The following FBXO4 variants were observed in gnomAD, a reference collection of about 807,000 sequenced individuals.
FBXO4 encodes the protein F-box only protein 4.
A neutral mutation model predicts 43.7 loss-of-function variants in FBXO4; 36 were observed. The observed-to-expected ratio is 0.82, with a 90% CI of 0.63 to 1.09. The LOEUF (loss-of-function observed/expected upper bound fraction) is 1.09, where lower values mean the gene tolerates loss of function less well. Ranked by LOEUF, FBXO4 falls within the 50% of genes least tolerant of loss-of-function variation. The pLI, the probability that FBXO4 is intolerant of heterozygous loss-of-function variation, is 0.00. For missense variants in FBXO4, 435 were observed against 474.1 expected (o/e 0.92, Z 0.77); for synonymous variants, 180 against 165.6 (o/e 1.09, Z -0.67).
chr5:41,949,618 T>C, the FBXO4 span, among the ~76,000 whole-genome samples: 2 of 152,100 alleles, frequency 1.3e-5, no homozygotes, highest in East Asian at 3.8e-4. Flanking sequence ...AGAATCAATA[T>C]CGTGAAAATG....
chr5:42,023,876 G>A, the FBXO4 span, among the ~76,000 whole-genome samples: 1 of 151,874 alleles, frequency 6.6e-6, no homozygotes, highest in East Asian at 1.9e-4. Context: ...CATTTGAGCC[G>A]ACTATCTGCA....
chr5:41,981,725 G>C, the FBXO4 span, among the ~76,000 whole-genome samples: 1 of 147,196 alleles, frequency 6.8e-6, no homozygotes, highest in South Asian at 2.1e-4. Context: ...TTTGGTTTTT[G>C]GTTTTTTTTT....
chr5:41,982,562 T>C, the FBXO4 span, among the ~76,000 whole-genome samples: 2 of 152,160 alleles, frequency 1.3e-5, no homozygotes, highest in African/African-American at 2.4e-5. Flanking sequence ...CTCACTTTTC[T>C]ATTGGGTTGC....
chr5:42,002,587 T>C, the FBXO4 span, among the ~76,000 whole-genome samples: 1 of 152,232 alleles, frequency 6.6e-6, no homozygotes, highest in Non-Finnish European at 1.5e-5. Flanking sequence ...TTTTAGATCC[T>C]GTTTACTTTT....
the FBXO4 span, among the ~76,000 whole-genome samples, chr5:42,016,119 G>A: frequency 6.6e-6 from 1 of 152,144 alleles, no homozygotes; most frequent in African/African-American, 2.4e-5. Flanking sequence ...GAAAAATAGA[G>A]TAGCGAGCTA....
At chr5:42,035,739 T>C in the FBXO4 span, among the ~76,000 whole-genome samples, 12 of 152,252 alleles carry the variant, frequency 7.9e-5, no homozygotes, top group South Asian at 2.5e-3. Context: ...GCAAGAGCTT[T>C]TCCCAGAGGC....
the FBXO4 span, among the ~76,000 whole-genome samples, chr5:41,993,064 TA>T: frequency 1.3e-5 from 2 of 152,194 alleles, no homozygotes; most frequent in South Asian, 4.1e-4. Context: ...CCCTTTTTAA[TA>T]GACTGAAGTA....
the FBXO4 span, among the ~76,000 whole-genome samples, chr5:41,999,048 C>A: frequency 8.7e-5 from 12 of 137,842 alleles, no homozygotes; most frequent in East Asian, 2.5e-3. Context: ...ATGGTTCACA[C>A]ATGGTCCATA....
the FBXO4 span, among the ~76,000 whole-genome samples, chr5:41,971,255 G>T: frequency 2.0e-5 from 3 of 150,860 alleles, no homozygotes; most frequent in Non-Finnish European, 3.0e-5. Flanking sequence ...TGTGTATAAA[G>T]ACCTGGAAAG....
downstream of FBXO4, among the ~76,000 whole-genome samples, chr5:41,944,250 A>C (rs1464177577): frequency 1.3e-5 from 2 of 152,236 alleles, no homozygotes; most frequent in African/African-American, 4.8e-5. Context: ...CTACAACTGC[A>C]ATTAAAATAA....
the FBXO4 span, among the ~76,000 whole-genome samples, chr5:41,955,877 G>A: frequency 3.3e-5 from 5 of 152,176 alleles, no homozygotes; most frequent in African/African-American, 1.2e-4. Context: ...AAAGTTCTCA[G>A]AAGTGGTTGG....
At chr5:41,947,507 G>T in the FBXO4 span, among the ~76,000 whole-genome samples, 2 of 152,254 alleles carry the variant, frequency 1.3e-5, no homozygotes, top group Non-Finnish European at 2.9e-5. Flanking sequence ...TGGAAGCCAA[G>T]AGTGTATTTT....
At chr5:41,989,252 A>T in the FBXO4 span, among the ~76,000 whole-genome samples, 1 of 152,284 alleles carries the variant, frequency 6.6e-6, no homozygotes, top group South Asian at 2.1e-4. Flanking sequence ...CTTATGAAAA[A>T]GTAGATTCAA....
Position 41,925,293 on chromosome 5 carries a change from C to G in FBXO4, c.-17C>G. On this transcript the variant is annotated 5_prime_UTR_variant, in exon 1 of 7. Transcript: ENST00000281623. Reference sequence around the variant, plus strand: ...TAGCGTGGCTCTAAGACGCGTCACCCACGCTGCGGGCAAGCCATGGCGGGA... The same window carrying G: ...TAGCGTGGCTCTAAGACGCGTCACCGACGCTGCGGGCAAGCCATGGCGGGA... 2.3e-6 allele frequency: 3 copies of G among 1,325,720 alleles called. No individual in the cohort carries two copies. Among genetic ancestry groups the G allele is most frequent in the Non-Finnish European group, 2.9e-6 (3 of 1,032,752 alleles). The allele number at this position is 1,325,720 out of a possible 1,614,324, so 82.1% of individuals were successfully genotyped here.
intron 3 of FBXO4, among the ~76,000 whole-genome samples, chr5:41,932,527 A>C (rs1315920377): frequency 6.6e-6 from 1 of 152,198 alleles, no homozygotes; most frequent in African/African-American, 2.4e-5. Context: ...TGCAGGAATT[A>C]AGAGTATGAA....
the FBXO4 span, among the ~76,000 whole-genome samples, chr5:41,958,131 ATT>A: frequency 0.086 from 11,092 of 128,724 alleles, 368 homozygotes; most frequent in African/African-American, 0.2. Flanking sequence ...CTGTTAACAA[ATT>A]TTTTTTTTTT....
chr5:41,965,722 C>T, the FBXO4 span, among the ~76,000 whole-genome samples: 7 of 152,268 alleles, frequency 4.6e-5, no homozygotes, highest in East Asian at 1.4e-3. Context: ...GTTGGTGGGA[C>T]TGTAAACTAG....
the FBXO4 span, among the ~76,000 whole-genome samples, chr5:41,962,312 C>G: frequency 6.6e-6 from 1 of 152,160 alleles, no homozygotes; most frequent in Admixed American, 6.5e-5. Context: ...CAGTCTTTCT[C>G]AGTCCCTGCT....
the FBXO4 span, among the ~76,000 whole-genome samples, chr5:42,011,368 C>G: frequency 6.6e-6 from 1 of 152,180 alleles, no homozygotes. Flanking sequence ...CATGTTTGGT[C>G]TCTTCTCTTG....
Sources: allele counts gnomAD v4.1 joint callset (sites outside exome capture counted in the v4.1 genomes callset), GRCh38; gene constraint gnomAD v4.1.1; transcripts MANE v1.5; gene names NCBI Gene and HGNC (gene_info 2026-07-23, HGNC 2026-07-21).